FANK1: variants seen among roughly 807,000 people sequenced by gnomAD.
FANK1 encodes fibronectin type 3 and ankyrin repeat domains protein 1.
In FANK1, 44 loss-of-function variants were observed where a neutral mutation model predicts 45.3. That is an observed-to-expected ratio of 0.97 (90% CI 0.76 to 1.25). The LOEUF is 1.25. FANK1 is among the 50% of genes most tolerant of loss of function. The pLI, the probability that FANK1 is intolerant of heterozygous loss-of-function variation, is 0.00. For synonymous variants in FANK1, 149 were observed against 152.5 expected (o/e 0.98, Z 0.17); for missense variants, 391 against 424.4 (o/e 0.92, Z 0.69).
intron 1 of FANK1, among the ~76,000 whole-genome samples, chr10:125,927,554 CTT>C (rs1235519645): frequency 6.8e-6 from 1 of 147,362 alleles, no homozygotes; most frequent in Non-Finnish European, 1.5e-5. Flanking sequence ...CCATTATAAA[CTT>C]TTTTTTTTTT....
intron 1 of FANK1, among the ~76,000 whole-genome samples, chr10:125,954,654 T>G (rs192450368): frequency 1.3e-5 from 2 of 152,316 alleles, no homozygotes; most frequent in East Asian, 3.9e-4. Flanking sequence ...GTGCAGTGGC[T>G]CACGCCTGTA....
chr10:126,002,075 G>A (rs1952801991), intron 6 of FANK1, among the ~76,000 whole-genome samples: 1 of 152,098 alleles, frequency 6.6e-6, no homozygotes. Context: ...CACTTTGGGA[G>A]GCTGAGGCAG....
chr10:125,971,679 T>C (rs1369663211), intron 1 of FANK1, among the ~76,000 whole-genome samples: 1 of 152,138 alleles, frequency 6.6e-6, no homozygotes, highest in Admixed American at 6.5e-5. Context: ...TGGAGTGCGG[T>C]GGCATGATCT....
chr10:126,008,658 T>A (rs1269471544), intron 8 of FANK1, 108 bp downstream of exon 8: 17 of 1,307,404 alleles, frequency 1.3e-5, no homozygotes, highest in Non-Finnish European at 1.7e-5. Context: ...AGCCCTTGGG[T>A]TTGACTGTGT....
chr10:125,912,054 G>A (rs1589814691), intron 1 of FANK1, among the ~76,000 whole-genome samples: 1 of 152,190 alleles, frequency 6.6e-6, no homozygotes, highest in South Asian at 2.1e-4. Context: ...ATTGACTAGT[G>A]AAGACTGAAG....
chr10:125,980,325 G>A lies in FANK1; in HGVS notation c.178G>A (p.Gly60Ser). The A allele has an allele frequency of 6.2e-7, 1 of 1,613,806 alleles. No homozygotes were observed. Among genetic ancestry groups the A allele is most frequent in the Non-Finnish European group, 8.5e-7 (1 of 1,179,968 alleles). Residue 60 changes from glycine (G) to serine (S), a missense_variant, in exon 2 of 11, where the codon GGT becomes AGT. By Grantham distance (56) the Gly-to-Ser change is moderately conservative (BLOSUM62 0). Coordinates refer to ENST00000368693, the MANE Select transcript of FANK1 (RefSeq NM_145235.5). Reference protein sequence around the residue: ...EEEDPKMHTYGIIYTGYATKH... With the variant: ...EEEDPKMHTYSIIYTGYATKH... Reference sequence around the variant, plus strand: ...AGAAGACCCCAAAATGCACACTTATGGTATCATTTATACGTAGGTGCAGTG... The same window carrying A: ...AGAAGACCCCAAAATGCACACTTATAGTATCATTTATACGTAGGTGCAGTG...
intron 6 of FANK1, chr10:126,004,176 A>G (rs1488939833): frequency 6.6e-6 from 1 of 151,438 alleles, no homozygotes; most frequent in African/African-American, 2.4e-5. Context: ...AAAAAAAAAA[A>G]AAAAGAAAAT....
At position 126,008,495 on chromosome 10, in the gene FANK1, T is replaced by C. The variant is rs1003355101; in HGVS notation, c.794T>C (p.Ile265Thr). The change falls in exon 8 of 11, where the codon ATT (isoleucine) becomes ACT (threonine). Residue 265 changes from isoleucine (I) to threonine (T), a missense_variant. Transcript: ENST00000368693. ...AATCAGAGGGTGGCCTCTCTTCTAATTGATGCTGGGGCCAATGTGAATGTG... is the reference window on the plus strand; with the variant it reads ...AATCAGAGGGTGGCCTCTCTTCTAACTGATGCTGGGGCCAATGTGAATGTG... ...SGNQRVASLL[I>T]DAGANVNVKD... 8 of 1,613,576 alleles carry C rather than the reference T, an allele frequency of 5.0e-6. No individual in the cohort carries two copies. The Admixed American group carries it at 1.2e-4, about 24-fold the overall frequency.
chr10:125,966,202 G>A (rs887828038), intron 1 of FANK1, among the ~76,000 whole-genome samples: 1 of 152,184 alleles, frequency 6.6e-6, no homozygotes, highest in Non-Finnish European at 1.5e-5. Context: ...CTTTTGGGCA[G>A]TTTGCACTTA....
At chr10:125,897,310 G>C (rs529854940) in intron 1 of FANK1, among the ~76,000 whole-genome samples, 1,517 of 152,214 alleles carry the variant, frequency 1.0e-2, no homozygotes, top group Non-Finnish European at 0.017. Context: ...TGAGTTATCA[G>C]ATCTAAACAC....
chr10:125,908,725 A>G (rs1418775425), intron 1 of FANK1, among the ~76,000 whole-genome samples: 1 of 152,098 alleles, frequency 6.6e-6, no homozygotes, highest in African/African-American at 2.4e-5. Context: ...ACCAAACACC[A>G]TCTGTTCCCC....
In FANK1 at chr10:125,900,684, C is replaced by T. The variant is rs185404471; in HGVS notation, c.13+4029C>T. 2.6e-5 allele frequency among the ~76,000 whole-genome samples: 4 copies of T among 152,238 alleles called. No homozygotes were observed. The East Asian group carries it at 7.7e-4, about 29-fold the overall frequency. ...TTTTGTTTTTTGAGACGGAGTCTCACTCTGTTACCCAGGCTGCAGTGTGGT... is the reference window on the plus strand; with the variant it reads ...TTTTGTTTTTTGAGACGGAGTCTCATTCTGTTACCCAGGCTGCAGTGTGGT... On this transcript the variant is annotated intron_variant, in intron 1 of 10. Coordinates refer to ENST00000368693, the MANE Select transcript of FANK1 (RefSeq NM_145235.5).
chr10:125,977,251 G>A (rs1295765782), intron 1 of FANK1, among the ~76,000 whole-genome samples: 4 of 152,162 alleles, frequency 2.6e-5, no homozygotes, highest in Admixed American at 2.0e-4. Context: ...GATTGAGTAC[G>A]GTCAACAGAC....
At chr10:125,922,197 A>G (rs1184411084) in intron 1 of FANK1, among the ~76,000 whole-genome samples, 3 of 152,194 alleles carry the variant, frequency 2.0e-5, no homozygotes, top group Admixed American at 6.5e-5. Context: ...GAAGTACGCC[A>G]TTTAACTTCT....
intron 1 of FANK1, among the ~76,000 whole-genome samples, chr10:125,908,679 A>G (rs185323247): frequency 6.6e-6 from 1 of 152,270 alleles, no homozygotes; most frequent in Admixed American, 6.5e-5. Flanking sequence ...GTGCACTAAA[A>G]TCTCAGAAAT....
chr10:125,973,745 A>G (rs1950664458), intron 1 of FANK1: 1 of 152,260 alleles, frequency 6.6e-6, no homozygotes, highest in African/African-American at 2.4e-5. Flanking sequence ...TTCATGAAGA[A>G]ATCAAACCTT....
intron 3 of FANK1, chr10:125,989,379 C>T (rs1951778098): frequency 2.6e-6 from 4 of 1,548,494 alleles, no homozygotes; most frequent in East Asian, 2.4e-5. Flanking sequence ...TTCAGTTGCA[C>T]AAAGGAAACC....
chr10:125,971,813 A>G (rs9804394), intron 1 of FANK1, among the ~76,000 whole-genome samples: 58,831 of 151,794 alleles, frequency 0.39, 11,672 homozygotes, highest in East Asian at 0.46. Context: ...TAGTAGAGAC[A>G]GGGTTTCACC....
chr10:125,948,968 G>A (rs1157786826), intron 1 of FANK1, among the ~76,000 whole-genome samples: 4 of 146,378 alleles, frequency 2.7e-5, no homozygotes, highest in Admixed American at 6.8e-5. Context: ...TTCAATATAC[G>A]CAAATCAATA....
Sources: allele counts gnomAD v4.1 joint callset (sites outside exome capture counted in the v4.1 genomes callset), GRCh38; gene constraint gnomAD v4.1.1; transcripts MANE v1.5; gene names NCBI Gene and HGNC (gene_info 2026-07-23, HGNC 2026-07-21).